The following FBXW7 variants were observed in gnomAD, a reference collection of about 807,000 sequenced individuals.
FBXW7 encodes F-box/WD repeat-containing protein 7.
In FBXW7, 11 loss-of-function variants were observed where a neutral mutation model predicts 86.3. The observed-to-expected ratio is 0.13, with a 90% CI of 0.08 to 0.21. The LOEUF (loss-of-function observed/expected upper bound fraction) is 0.21, where lower values mean the gene tolerates loss of function less well. FBXW7 is among the 10% of genes least tolerant of loss of function. The pLI is 1.00. For missense variants in FBXW7, 488 were observed against 847.4 expected (o/e 0.58, Z 5.27); for synonymous variants, 313 against 297.9 (o/e 1.05, Z -0.52).
intron 2 of FBXW7, among the ~76,000 whole-genome samples, chr4:152,442,312 A>C (rs1040638917): frequency 6.6e-6 from 1 of 152,198 alleles, no homozygotes; most frequent in Admixed American, 6.5e-5. Context: ...CTTGTATTAA[A>C]ATGTAAATTC....
At chr4:152,434,566 C>T (rs375472493) in intron 2 of FBXW7, among the ~76,000 whole-genome samples, 3 of 152,264 alleles carry the variant, frequency 2.0e-5, no homozygotes. Context: ...CTGAATGTTC[C>T]ACCACTATTT....
rs1412624558 is a variant in FBXW7, at chr4:152,437,868, A to G, written c.-119-25339T>C. Among the ~76,000 whole-genome samples the G allele has an allele frequency of 2.6e-5, 4 of 152,266 alleles. No individual in the cohort carries two copies. The South Asian group carries it at 6.2e-4, about 24-fold the overall frequency. On this transcript the variant is annotated intron_variant, in intron 2 of 13. Transcript: ENST00000281708. Reference sequence around the variant, plus strand: ...CCTGAAGGCTCAGGTGATTGTTAGCATTTTTTAGCAATCAAGTATTTTTTA... The same window carrying G: ...CCTGAAGGCTCAGGTGATTGTTAGCGTTTTTTAGCAATCAAGTATTTTTTA...
At chr4:152,514,737 G>A (rs1748307697) in intron 2 of FBXW7, among the ~76,000 whole-genome samples, 1 of 152,126 alleles carries the variant, frequency 6.6e-6, no homozygotes, top group African/African-American at 2.4e-5. Context: ...TGCCATGAGT[G>A]GAAGCTTCCT....
intron 2 of FBXW7, among the ~76,000 whole-genome samples, chr4:152,436,882 C>G (rs1410929481): frequency 1.3e-5 from 2 of 152,174 alleles, no homozygotes; most frequent in African/African-American, 4.8e-5. Flanking sequence ...AGATTCCTTT[C>G]AAATATTACT....
intron 2 of FBXW7, among the ~76,000 whole-genome samples, chr4:152,415,629 C>G (rs1231358344): frequency 1.3e-5 from 2 of 152,076 alleles, no homozygotes; most frequent in African/African-American, 4.8e-5. Context: ...CTGCTCAACA[C>G]CCACTAAGAG....
chr4:152,520,602 A>C (rs1193349103), intron 2 of FBXW7, among the ~76,000 whole-genome samples: 1 of 152,158 alleles, frequency 6.6e-6, no homozygotes, highest in Non-Finnish European at 1.5e-5. Flanking sequence ...CAAATGTGCA[A>C]AGGGGACCAG....
At chr4:152,488,182 TA>T (rs1438121894) in intron 2 of FBXW7, among the ~76,000 whole-genome samples, 2 of 152,034 alleles carry the variant, frequency 1.3e-5, no homozygotes, top group African/African-American at 4.8e-5. Flanking sequence ...TTAAAGTTAT[TA>T]TTTTAAATAT....
intron 2 of FBXW7, among the ~76,000 whole-genome samples, chr4:152,426,044 C>T (rs907853238): frequency 1.1e-4 from 16 of 152,278 alleles, no homozygotes; most frequent in African/African-American, 3.9e-4. Context: ...CTCTGTGTCG[C>T]TCTGAAATCC....
At chr4:152,406,228 G>A (rs1250397648) in intron 4 of FBXW7, among the ~76,000 whole-genome samples, 1 of 152,148 alleles carries the variant, frequency 6.6e-6, no homozygotes, top group Non-Finnish European at 1.5e-5. Context: ...TCAATGGAAT[G>A]CTATAAAACA....
chr4:152,344,998 T>C (rs1392363780), intron 6 of FBXW7, among the ~76,000 whole-genome samples: 1 of 152,170 alleles, frequency 6.6e-6, no homozygotes, highest in East Asian at 1.9e-4. Flanking sequence ...ATGAAATCAG[T>C]GAAATCATGT....
intron 2 of FBXW7, among the ~76,000 whole-genome samples, chr4:152,489,979 T>G (rs1411926772): frequency 6.6e-6 from 1 of 152,102 alleles, no homozygotes; most frequent in Non-Finnish European, 1.5e-5. Flanking sequence ...TTCATTTCTA[T>G]TAGGGAAGTA....
At chr4:152,397,695 C>CAAAAAAAAAAAA (rs397995836) in intron 4 of FBXW7, among the ~76,000 whole-genome samples, 13 of 60,376 alleles carry the variant, frequency 2.2e-4, no homozygotes, top group African/African-American at 6.1e-4. Flanking sequence ...CCTAAGAAGC[C>CAAAAAAAAAAAA]AAAAAAAAAA....
chr4:152,535,998 A>AGCGGCG lies in FBXW7; in HGVS notation c.-1090_-1085dup, dbSNP rs200183394. ...CGGATGCTCCTTCGCTCTCAGTCTC[A>AGCGGCG]GCGGCGGCGGCGGCGGCAGCGGCAG... On this transcript the variant is annotated 5_prime_UTR_variant, in exon 1 of 14. Transcript: ENST00000281708. 58 of 239,392 alleles carry AGCGGCG rather than the reference A, an allele frequency of 2.4e-4. No homozygotes were observed. The highest frequency in any genetic ancestry group is 3.1e-4 in the Non-Finnish European group (39 of 125,256). 14.8% of individuals were successfully genotyped at this position (239,392 alleles called of 1,614,324 possible).
intron 2 of FBXW7, among the ~76,000 whole-genome samples, chr4:152,499,075 C>T (rs192902534): frequency 6.6e-6 from 1 of 152,218 alleles, no homozygotes; most frequent in African/African-American, 2.4e-5. Context: ...GAAGAATCCA[C>T]TTGGAGATAT....
At chr4:152,507,053 C>G (rs977238277) in intron 2 of FBXW7, among the ~76,000 whole-genome samples, 2 of 152,146 alleles carry the variant, frequency 1.3e-5, no homozygotes, top group African/African-American at 4.8e-5. Flanking sequence ...TTCCCTTTTC[C>G]AACCATCTAG....
intron 2 of FBXW7, among the ~76,000 whole-genome samples, chr4:152,468,735 TCTCA>T (rs1743677512): frequency 6.6e-6 from 1 of 152,058 alleles, no homozygotes; most frequent in Admixed American, 6.5e-5. Context: ...ATAAATTTCA[TCTCA>T]ATAAAACTGT....
At position 152,487,399 on chromosome 4, in the gene FBXW7, A is replaced by T. The variant is rs74289472; in HGVS notation, c.-120+47542T>A. 4.6e-5 allele frequency among the ~76,000 whole-genome samples: 7 copies of T among 152,256 alleles called. No individual in the cohort carries two copies. In the South Asian group the frequency reaches 1.4e-3, roughly 32 times the overall value. On this transcript the variant is annotated intron_variant, in intron 2 of 13. Transcript: ENST00000281708. ...TAATAATTCAGAGGATAAAATAAACAAACTTTAAGTACATACAAATATCAA... is the reference window on the plus strand; with the variant it reads ...TAATAATTCAGAGGATAAAATAAACTAACTTTAAGTACATACAAATATCAA...
Position 152,535,832 on chromosome 4 carries a change from C to G in FBXW7, c.-918G>C, listed in dbSNP as rs1750504004. On this transcript the variant is annotated 5_prime_UTR_variant, in exon 1 of 14. Transcript: ENST00000281708. ...GCTCCGGCTCAGGCTCGGGCTCCGG[C>G]TCTGGCTCCGGCTCCGGCGTGTGCA... The G allele has an allele frequency of 2.5e-6, 1 of 392,766 alleles. No individual in the cohort carries two copies. The highest frequency in any genetic ancestry group is 2.1e-5 in the African/African-American group (1 of 48,202). The allele number at this position is 392,766 out of a possible 1,614,324, so 24.3% of individuals were successfully genotyped here.
chr4:152,490,024 G>A (rs917791838), intron 2 of FBXW7, among the ~76,000 whole-genome samples: 6 of 152,056 alleles, frequency 3.9e-5, no homozygotes, highest in Admixed American at 6.6e-5. Context: ...ACTAGAAGTC[G>A]CTACAACATG....
Sources: gnomAD v4.1 joint callset for allele counts (sites outside exome capture counted in the v4.1 genomes callset) on GRCh38, gnomAD v4.1.1 for gene constraint, MANE v1.5 for transcripts, NCBI Gene and HGNC (gene_info 2026-07-23, HGNC 2026-07-21) for gene names.